SORCS1: variants seen among roughly 807,000 people sequenced by gnomAD.
SORCS1 encodes VPS10 domain-containing receptor SorCS1.
A neutral mutation model predicts 146.1 loss-of-function variants in SORCS1; 60 were observed. The observed-to-expected ratio is 0.41, with a 90% CI of 0.33 to 0.51. The LOEUF (loss-of-function observed/expected upper bound fraction) is 0.51, where lower values mean the gene tolerates loss of function less well. Among genes scored for constraint, SORCS1 ranks in the 20% least tolerant of loss-of-function variants. SORCS1 has a pLI of 0.21. For missense variants in SORCS1, 1,352 were observed against 1,487.6 expected, an observed-to-expected ratio of 0.91 and a Z score of 1.50; for synonymous variants, 637 against 584.0, an observed-to-expected ratio of 1.09 and a Z score of -1.31.
At chr10:106,956,156 A>G (rs985028132) in intron 2 of SORCS1, among the ~76,000 whole-genome samples, 3 of 151,804 alleles carry the variant, frequency 2.0e-5, no homozygotes, top group Admixed American at 6.6e-5. Flanking sequence ...TTTCCCTGGT[A>G]GAGAGCCTCG....
intron 2 of SORCS1, among the ~76,000 whole-genome samples, chr10:106,867,438 C>T (rs1020776876): frequency 6.6e-6 from 1 of 152,138 alleles, no homozygotes; most frequent in African/African-American, 2.4e-5. Context: ...GCACCCACCA[C>T]CACGCCCGGC....
At chr10:106,802,342 CTTTT>C (rs1946944971) in intron 3 of SORCS1, among the ~76,000 whole-genome samples, 1 of 151,978 alleles carries the variant, frequency 6.6e-6, no homozygotes, top group South Asian at 2.1e-4. Flanking sequence ...TAACTTTACA[CTTTT>C]TTTGAGACGG....
rs1010345836 is a variant in SORCS1 at position 106,574,242 on chromosome 10, C to T, written c.*3178G>A. ...ACAGTGAATCCAATTAAAAATAAGG[C>T]AAGGTAGAAAGTGTTGCTTGGGTGG... On this transcript the variant is annotated 3_prime_UTR_variant, in exon 26 of 26. Coordinates refer to ENST00000263054, the MANE Select transcript of SORCS1 (RefSeq NM_052918.5). 2 of 152,544 alleles carry T rather than the reference C, an allele frequency of 1.3e-5. No individual in the cohort carries two copies. The highest frequency in any genetic ancestry group is 4.8e-5 in the African/African-American group (2 of 41,416). 9.4% of individuals were successfully genotyped at this position (152,544 alleles called of 1,614,324 possible).
chr10:106,703,155 T>C (rs1854253881), intron 8 of SORCS1, among the ~76,000 whole-genome samples: 1 of 151,782 alleles, frequency 6.6e-6, no homozygotes, highest in Non-Finnish European at 1.5e-5. Flanking sequence ...GAAAATATTG[T>C]TGTGAATCTA....
intron 1 of SORCS1, among the ~76,000 whole-genome samples, chr10:106,979,811 C>T (rs1471621004): frequency 6.6e-6 from 1 of 152,198 alleles, no homozygotes; most frequent in Non-Finnish European, 1.5e-5. Context: ...CTGGTGCCCT[C>T]ACTCTGCCAC....
At chr10:106,883,685 T>C (rs1296218639) in intron 2 of SORCS1, among the ~76,000 whole-genome samples, 1 of 152,218 alleles carries the variant, frequency 6.6e-6, no homozygotes, top group Non-Finnish European at 1.5e-5. Flanking sequence ...AGTGGTAGGA[T>C]TACAGGCGTG....
rs1309837601 is a variant in SORCS1, at chr10:107,164,551, G to C, written c.-25C>G. 2.9e-5 allele frequency: 38 copies of C among 1,331,590 alleles called. No individual in the cohort carries two copies. Among genetic ancestry groups the C allele is most frequent in the Non-Finnish European group, 3.5e-5 (37 of 1,047,456 alleles). The allele number at this position is 1,331,590 out of a possible 1,614,324, so 82.5% of individuals were successfully genotyped here. A position where few individuals can be genotyped will look rare whatever the true frequency, so the allele number is the denominator to read the frequency against. On this transcript the variant is annotated 5_prime_UTR_variant, in exon 1 of 26. Coordinates refer to ENST00000263054, the MANE Select transcript of SORCS1 (RefSeq NM_052918.5). This position sits in a 1 kb window ranked among gnomAD's most constrained non-coding sequence, Gnocchi z 6.8. ...TCGCGGGAGCGAAGAGCAGCGGAGA[G>C]AGGGGTCCCAGAACGAAGGTGGCGG...
At chr10:107,058,448 A>G (rs1458650611) in intron 1 of SORCS1, among the ~76,000 whole-genome samples, 1 of 152,222 alleles carries the variant, frequency 6.6e-6, no homozygotes, top group Non-Finnish European at 1.5e-5. Flanking sequence ...ATTGTCATTC[A>G]AAAAACCTAG....
At chr10:107,152,892 C>T (rs1024756086) in intron 1 of SORCS1, among the ~76,000 whole-genome samples, 1 of 152,146 alleles carries the variant, frequency 6.6e-6, no homozygotes, top group Non-Finnish European at 1.5e-5. Flanking sequence ...ATGCCTCCAT[C>T]ACAGCTCTGT....
At chr10:107,149,423 C>T (rs372910386) in intron 1 of SORCS1, among the ~76,000 whole-genome samples, 1 of 152,108 alleles carries the variant, frequency 6.6e-6, no homozygotes, top group Non-Finnish European at 1.5e-5. Flanking sequence ...TCCGATTCAT[C>T]CCAATATACT....
chr10:106,675,943 G>A (rs1324874075), intron 13 of SORCS1, among the ~76,000 whole-genome samples: 1 of 152,102 alleles, frequency 6.6e-6, no homozygotes, highest in Non-Finnish European at 1.5e-5. Context: ...CACTGAATCT[G>A]CCAGCATTTT....
chr10:107,146,255 C>T (rs145260602), intron 1 of SORCS1, among the ~76,000 whole-genome samples: 5 of 152,132 alleles, frequency 3.3e-5, no homozygotes, highest in East Asian at 1.9e-4. Context: ...GAATCCTAAG[C>T]GTTTGTCTCT....
intron 2 of SORCS1, among the ~76,000 whole-genome samples, chr10:106,893,091 CAG>C (rs1951302026): frequency 6.6e-6 from 1 of 151,258 alleles, no homozygotes; most frequent in Non-Finnish European, 1.5e-5. Context: ...TTAGTAGAGA[CAG>C]GGTTTCACCA....
chr10:107,028,873 C>T (rs1958521630), intron 1 of SORCS1, among the ~76,000 whole-genome samples: 1 of 152,170 alleles, frequency 6.6e-6, no homozygotes, highest in African/African-American at 2.4e-5. Context: ...TGTGTGACCC[C>T]TGCAAGCCAC....
At chr10:107,142,899 C>T (rs1449822099) in intron 1 of SORCS1, among the ~76,000 whole-genome samples, 2 of 152,210 alleles carry the variant, frequency 1.3e-5, no homozygotes, top group Admixed American at 6.5e-5. Flanking sequence ...CCAAGACCAA[C>T]GTGTCCTGAC....
intron 1 of SORCS1, among the ~76,000 whole-genome samples, chr10:107,023,976 C>G (rs1958270192): frequency 6.6e-6 from 1 of 151,962 alleles, no homozygotes; most frequent in Non-Finnish European, 1.5e-5. Flanking sequence ...GAGTTCGAGA[C>G]CAGCCTGACC....
intron 1 of SORCS1, among the ~76,000 whole-genome samples, chr10:107,100,970 C>T (rs1964883666): frequency 6.6e-6 from 1 of 152,190 alleles, no homozygotes; most frequent in Non-Finnish European, 1.5e-5. Context: ...TTATAGCTCA[C>T]TATAACTTGG....
chr10:106,709,934 T>C (rs1425180180), intron 6 of SORCS1, among the ~76,000 whole-genome samples: 2 of 152,216 alleles, frequency 1.3e-5, no homozygotes, highest in Non-Finnish European at 2.9e-5. Context: ...ATTATTTTTT[T>C]CCCTCCCAAA....
At chr10:106,692,714 A>G (rs139634370) in intron 9 of SORCS1, among the ~76,000 whole-genome samples, 81 of 152,336 alleles carry the variant, frequency 5.3e-4, no homozygotes, top group African/African-American at 1.8e-3. Flanking sequence ...TCCCTAATCC[A>G]GAAATCCAAA....
Sources: allele counts gnomAD v4.1 joint callset (sites outside exome capture counted in the v4.1 genomes callset), GRCh38; gene constraint gnomAD v4.1.1; non-coding constraint Gnocchi (gnomAD v3.1); transcripts MANE v1.5; gene names NCBI Gene and HGNC (gene_info 2026-07-23, HGNC 2026-07-21).